The following TRAPPC3L variants were observed in gnomAD, a reference collection of about 807,000 sequenced individuals.
The protein encoded by TRAPPC3L is trafficking protein particle complex subunit 3L, also known as trafficking protein particle complex subunit 3-like protein.
TRAPPC3L carries 23 observed loss-of-function variants against 23.7 expected under a neutral mutation model. The observed-to-expected ratio is 0.97, with a 90% CI of 0.70 to 1.37. The LOEUF is 1.37. Among genes scored for constraint, TRAPPC3L ranks in the 40% most tolerant of loss-of-function variants. The pLI, the probability that TRAPPC3L is intolerant of heterozygous loss-of-function variation, is 0.00. For synonymous variants in TRAPPC3L, 81 were observed against 77.9 expected, an observed-to-expected ratio of 1.04 and a Z score of -0.21; for missense variants, 212 against 216.8, an observed-to-expected ratio of 0.98 and a Z score of 0.14.
At chr6:116,543,643 T>A (rs1773596714) in intron 1 of TRAPPC3L, 7 of 673,402 alleles carry the variant, frequency 1.0e-5, no homozygotes, top group Non-Finnish European at 1.8e-5. Context: ...TGATAACATC[T>A]TTCTATGCAT....
intron 4 of TRAPPC3L, among the ~76,000 whole-genome samples, chr6:116,498,093 C>G (rs1344591240): frequency 6.6e-6 from 1 of 152,072 alleles, no homozygotes; most frequent in African/African-American, 2.4e-5. Flanking sequence ...CTTTTTAAGT[C>G]TTTGTCAAAA....
At chr6:116,520,263 A>G (rs540959197) in intron 3 of TRAPPC3L, 1 of 152,302 alleles carries the variant, frequency 6.6e-6, no homozygotes, top group Non-Finnish European at 1.5e-5. Context: ...CTCACATGAT[A>G]TATTTCAAGT....
At chr6:116,503,053 G>A (rs955699092) in intron 3 of TRAPPC3L, among the ~76,000 whole-genome samples, 1 of 152,126 alleles carries the variant, frequency 6.6e-6, no homozygotes, top group African/African-American at 2.4e-5. Context: ...TGGGCTAAAT[G>A]CCCCAATTAA....
At chr6:116,529,794 T>C (rs774503474) in intron 3 of TRAPPC3L, among the ~76,000 whole-genome samples, 20 of 152,164 alleles carry the variant, frequency 1.3e-4, no homozygotes, top group Admixed American at 5.2e-4. Context: ...AGGGCAGAGA[T>C]TGAATGAAAA....
At chr6:116,542,328 T>A (rs937200999) in intron 2 of TRAPPC3L, among the ~76,000 whole-genome samples, 1 of 151,934 alleles carries the variant, frequency 6.6e-6, no homozygotes, top group African/African-American at 2.4e-5. Flanking sequence ...AAAAATAAAT[T>A]ATAATTTTTT....
At chr6:116,501,021 G>A (rs1349862620) in intron 3 of TRAPPC3L, among the ~76,000 whole-genome samples, 4 of 152,178 alleles carry the variant, frequency 2.6e-5, no homozygotes, top group East Asian at 1.9e-4. Context: ...AGAGTGAGCC[G>A]AAGCAGGGCA....
At chr6:116,508,566 G>A (rs1302553911) in intron 3 of TRAPPC3L, among the ~76,000 whole-genome samples, 1 of 152,058 alleles carries the variant, frequency 6.6e-6, no homozygotes, top group African/African-American at 2.4e-5. Context: ...CTAATCAAAA[G>A]GTTACTATTA....
intron 3 of TRAPPC3L, among the ~76,000 whole-genome samples, chr6:116,529,356 G>C (rs925739364): frequency 6.6e-6 from 1 of 151,988 alleles, no homozygotes; most frequent in Admixed American, 6.5e-5. Flanking sequence ...AGACAGTGGC[G>C]AGATATTAAA....
At chr6:116,524,224 G>A (rs1393403854) in intron 3 of TRAPPC3L, 1 of 152,150 alleles carries the variant, frequency 6.6e-6, no homozygotes, top group Admixed American at 6.5e-5. Flanking sequence ...GCAAAATATG[G>A]AAACTATTGA....
At chr6:116,528,839 A>G (rs1275956237) in intron 3 of TRAPPC3L, among the ~76,000 whole-genome samples, 2 of 152,234 alleles carry the variant, frequency 1.3e-5, no homozygotes, top group Non-Finnish European at 2.9e-5. Context: ...AAAAAAGAAA[A>G]GCAATTCAAT....
At chr6:116,507,736 C>G (rs1229301468) in intron 3 of TRAPPC3L, among the ~76,000 whole-genome samples, 1 of 152,082 alleles carries the variant, frequency 6.6e-6, no homozygotes, top group African/African-American at 2.4e-5. Flanking sequence ...CTATCAAAGA[C>G]AAGTCTCTAA....
chr6:116,532,843 A>G (rs1199138116), intron 3 of TRAPPC3L, among the ~76,000 whole-genome samples: 1 of 152,234 alleles, frequency 6.6e-6, no homozygotes, highest in Non-Finnish European at 1.5e-5. Flanking sequence ...AAGTAAGGTT[A>G]ATCATGGGTT....
At chr6:116,509,822 A>G (rs1264030498) in intron 3 of TRAPPC3L, among the ~76,000 whole-genome samples, 2 of 152,148 alleles carry the variant, frequency 1.3e-5, no homozygotes, top group African/African-American at 4.8e-5. Flanking sequence ...AAAAATAAAT[A>G]AATGGGACCT....
intron 3 of TRAPPC3L, among the ~76,000 whole-genome samples, chr6:116,509,505 C>A (rs1772069534): frequency 6.6e-6 from 1 of 152,076 alleles, no homozygotes; most frequent in Non-Finnish European, 1.5e-5. Flanking sequence ...GATACATAGA[C>A]CAATGGAACA....
chr6:116,511,185 T>TATATAC (rs1003054292), intron 3 of TRAPPC3L, among the ~76,000 whole-genome samples: 4 of 145,782 alleles, frequency 2.7e-5, no homozygotes, highest in African/African-American at 5.0e-5. Context: ...AAGCTATTGA[T>TATATAC]ATATATATAT....
chr6:116,519,429 G>C (rs1442128098), intron 3 of TRAPPC3L: 1 of 152,224 alleles, frequency 6.6e-6, no homozygotes, highest in Non-Finnish European at 1.5e-5. Flanking sequence ...AAAACTCCAG[G>C]TGAGGAGTCT....
intron 3 of TRAPPC3L, among the ~76,000 whole-genome samples, chr6:116,537,592 T>C (rs941287705): frequency 2.6e-5 from 4 of 152,184 alleles, no homozygotes; most frequent in South Asian, 4.1e-4. Flanking sequence ...ATCTGGAGCA[T>C]TGAAAGAACT....
chr6:116,500,971 A>T (rs1245371500), intron 3 of TRAPPC3L, among the ~76,000 whole-genome samples: 1 of 152,216 alleles, frequency 6.6e-6, no homozygotes, highest in Non-Finnish European at 1.5e-5. Context: ...TACCTGGTTC[A>T]TCTCACTGGG....
chr6:116,514,762 G>A (rs946087980), intron 3 of TRAPPC3L, among the ~76,000 whole-genome samples: 8 of 152,064 alleles, frequency 5.3e-5, no homozygotes, highest in Non-Finnish European at 1.0e-4. Context: ...GGTCTGAATG[G>A]GTTCATTTGT....
Sources: allele counts gnomAD v4.1 joint callset (sites outside exome capture counted in the v4.1 genomes callset), GRCh38; gene constraint gnomAD v4.1.1; transcripts MANE v1.5; gene names NCBI Gene and HGNC (gene_info 2026-07-23, HGNC 2026-07-21).